The following PHF21B variants were observed in gnomAD, a reference collection of about 807,000 sequenced individuals.
PHF21B encodes PHD finger protein 4.
PHF21B carries 22 observed loss-of-function variants against 62.2 expected under a neutral mutation model. The observed-to-expected ratio is 0.35, with a 90% CI of 0.25 to 0.51. The LOEUF (loss-of-function observed/expected upper bound fraction) is 0.51. Among genes scored for constraint, PHF21B ranks in the 20% least tolerant of loss-of-function variants. PHF21B has a pLI of 0.97. For missense variants in PHF21B, 701 were observed against 707.9 expected, an observed-to-expected ratio of 0.99 and a Z score of 0.11; for synonymous variants, 341 against 314.7, an observed-to-expected ratio of 1.08 and a Z score of -0.88.
chr22:44,976,184 G>A (rs1377401384), intron 2 of PHF21B, among the ~76,000 whole-genome samples: 1 of 152,112 alleles, frequency 6.6e-6, no homozygotes, highest in Non-Finnish European at 1.5e-5. Flanking sequence ...AAAACATTTT[G>A]TTTTTAATTG....
chr22:44,926,529 T>C (rs1178572334), intron 2 of PHF21B, among the ~76,000 whole-genome samples: 2 of 152,214 alleles, frequency 1.3e-5, no homozygotes, highest in African/African-American at 4.8e-5. Flanking sequence ...TGTGTGCTGC[T>C]GTGTTTTCCA....
chr22:44,906,706 A>G (rs1569219197), intron 5 of PHF21B, among the ~76,000 whole-genome samples: 2 of 152,218 alleles, frequency 1.3e-5, no homozygotes, highest in African/African-American at 4.8e-5. Context: ...GTGACCGTAC[A>G]TGTGGTTTCC....
In PHF21B at chr22:44,957,074, C is replaced by CTCCA. The variant is rs148326065; in HGVS notation, c.121-36588_121-36585dup. Among the ~76,000 whole-genome samples the CTCCA allele has an allele frequency of 6.7e-3, 1,024 of 152,236 alleles. 13 individuals carry two copies. Among genetic ancestry groups the CTCCA allele is most frequent in the African/African-American group, 0.023 (943 of 41,544 alleles). On this transcript the variant is annotated intron_variant, in intron 2 of 12. Transcript: ENST00000313237. ...GCCCACACGGCAGTCCAATGGCCAC[C>CTCCA]TCCACCTCAGCACCGCCCCCTCCCT...
intron 2 of PHF21B, among the ~76,000 whole-genome samples, chr22:44,930,096 C>T (rs1340844811): frequency 6.6e-5 from 10 of 152,226 alleles, no homozygotes; most frequent in Non-Finnish European, 1.5e-4. Flanking sequence ...AGACACCCCT[C>T]GGGGTGAACA....
chr22:44,960,053 C>G (rs1342696378), intron 2 of PHF21B, among the ~76,000 whole-genome samples: 1 of 152,218 alleles, frequency 6.6e-6, no homozygotes, highest in African/African-American at 2.4e-5. Context: ...GCAACCCTCT[C>G]TAATGGCTGA....
chr22:44,968,257 T>C (rs115287411), intron 2 of PHF21B, among the ~76,000 whole-genome samples: 3,196 of 152,302 alleles, frequency 0.021, 110 homozygotes, highest in African/African-American at 0.072. Context: ...TATTCATTTA[T>C]TGAATCATTT....
At chr22:44,987,947 G>A (rs1013415681) in intron 2 of PHF21B, among the ~76,000 whole-genome samples, 3 of 152,162 alleles carry the variant, frequency 2.0e-5, no homozygotes, top group Non-Finnish European at 4.4e-5. Flanking sequence ...GAAGATCCAC[G>A]TTGTCCAGAC....
At chr22:44,971,949 A>G (rs1211652150) in intron 2 of PHF21B, among the ~76,000 whole-genome samples, 1 of 152,184 alleles carries the variant, frequency 6.6e-6, no homozygotes, top group African/African-American at 2.4e-5. Context: ...AGGCTCAGGG[A>G]GGTTAAGCAA....
At chr22:45,002,318 CAT>C (rs1401718716) in intron 2 of PHF21B, among the ~76,000 whole-genome samples, 1 of 152,106 alleles carries the variant, frequency 6.6e-6, no homozygotes, top group Non-Finnish European at 1.5e-5. Flanking sequence ...CATTTATGTA[CAT>C]ACACACACAC....
intron 2 of PHF21B, among the ~76,000 whole-genome samples, chr22:45,004,537 A>G (rs1209443385): frequency 6.6e-6 from 1 of 152,210 alleles, no homozygotes; most frequent in Non-Finnish European, 1.5e-5. Context: ...TTTTTCTGCA[A>G]TGTATAATGA....
Position 44,914,384 on chromosome 22 carries a change from G to A in PHF21B, c.565-296C>T, listed in dbSNP as rs551460713. ...CGCTTCCCAGCTGTGTGGCCTCAGG[G>A]GAGTCACTGCTTCTGAGAGTCAGGT... On this transcript the variant is annotated intron_variant, in intron 4 of 12. Transcript: ENST00000313237. 3.3e-5 allele frequency among the ~76,000 whole-genome samples: 5 copies of A among 152,344 alleles called. No homozygotes were observed. In the South Asian group the frequency reaches 1.0e-3, roughly 32 times the overall value.
intron 2 of PHF21B, among the ~76,000 whole-genome samples, chr22:44,980,618 C>T (rs901127029): frequency 6.6e-6 from 1 of 152,194 alleles, no homozygotes; most frequent in Non-Finnish European, 1.5e-5. Context: ...GAGGCAAATT[C>T]AGGGCAGCTG....
intron 2 of PHF21B, among the ~76,000 whole-genome samples, chr22:44,946,132 T>C (rs1351316227): frequency 6.8e-6 from 1 of 147,096 alleles, no homozygotes; most frequent in Non-Finnish European, 1.5e-5. Context: ...GGAGGCCTGC[T>C]GGAGCCAGAG....
intron 2 of PHF21B, among the ~76,000 whole-genome samples, chr22:45,007,914 G>T (rs1030894622): frequency 1.3e-5 from 2 of 152,014 alleles, no homozygotes; most frequent in African/African-American, 4.8e-5. Flanking sequence ...GCCCGGAGGG[G>T]GGGGAGCGGT....
At chr22:44,934,905 G>T (rs1340428111) in intron 2 of PHF21B, among the ~76,000 whole-genome samples, 2 of 152,116 alleles carry the variant, frequency 1.3e-5, no homozygotes, top group Non-Finnish European at 2.9e-5. Context: ...GGCCATCCTG[G>T]GAAGTGTCCC....
chr22:45,007,281 G>C (rs961530692), intron 2 of PHF21B, among the ~76,000 whole-genome samples: 3 of 151,886 alleles, frequency 2.0e-5, no homozygotes, highest in Non-Finnish European at 4.4e-5. Flanking sequence ...TAACTTTAAA[G>C]ACTCGACACG....
chr22:44,883,227 G>A lies in PHF21B; in HGVS notation c.1455C>T (p.Leu485=), dbSNP rs1184846492. The A allele has an allele frequency of 6.2e-7, 1 of 1,613,836 alleles. No homozygotes were observed. The highest frequency in any genetic ancestry group is 1.3e-5 in the African/African-American group (1 of 74,918). ...TQSSLDRLRA[L]LRLIQGEQLL... Reference sequence around the variant, plus strand: ...GCTGCTCGCCCTGTATCAGTCTCAGGAGGGCCCGCAGGCGGTCCAGGGATG... The same window carrying A: ...GCTGCTCGCCCTGTATCAGTCTCAGAAGGGCCCGCAGGCGGTCCAGGGATG... The change falls in exon 13 of 13, where the codon CTC becomes CTT. Residue 485 remains leucine (L), a synonymous_variant. Transcript: ENST00000313237.
Position 44,934,909 on chromosome 22 carries a change from G to C in PHF21B, c.121-14419C>G, listed in dbSNP as rs573832085. 6.6e-5 allele frequency among the ~76,000 whole-genome samples: 10 copies of C among 152,324 alleles called. No homozygotes were observed. In the South Asian group the frequency reaches 1.5e-3, roughly 22 times the overall value. ...AGGCCCCACCAGGCCATCCTGGGAA[G>C]TGTCCCAGCCCTCGCTGAGACCTTC... On this transcript the variant is annotated intron_variant, in intron 2 of 12. Coordinates refer to ENST00000313237, the MANE Select transcript of PHF21B (RefSeq NM_138415.5).
chr22:44,940,533 C>A (rs1601622368), intron 2 of PHF21B, among the ~76,000 whole-genome samples: 1 of 152,210 alleles, frequency 6.6e-6, no homozygotes, highest in East Asian at 1.9e-4. Flanking sequence ...GGAATGATCC[C>A]AGGGGCTGAA....
Sources: gnomAD v4.1 joint callset for allele counts (sites outside exome capture counted in the v4.1 genomes callset) on GRCh38, gnomAD v4.1.1 for gene constraint, MANE v1.5 for transcripts, NCBI Gene and HGNC (gene_info 2026-07-23, HGNC 2026-07-21) for gene names.